The following MYRIP variants were observed in gnomAD, a reference collection of about 807,000 sequenced individuals.
MYRIP encodes the protein rab effector MyRIP.
In MYRIP, 49 loss-of-function variants were observed where a neutral mutation model predicts 98.0. The observed-to-expected ratio is 0.50, with a 90% CI of 0.40 to 0.63. The LOEUF is 0.63. Among genes scored for constraint, MYRIP ranks in the 30% least tolerant of loss-of-function variants. MYRIP has a pLI of 0.00. For missense variants in MYRIP, 1,004 were observed against 1,058.2 expected, an observed-to-expected ratio of 0.95 and a Z score of 0.71; for synonymous variants, 404 against 409.5, an observed-to-expected ratio of 0.99 and a Z score of 0.16.
intron 1 of MYRIP, among the ~76,000 whole-genome samples, chr3:39,850,384 A>G (rs142177513): frequency 6.6e-6 from 1 of 152,196 alleles, no homozygotes. Flanking sequence ...AAGGAACAAA[A>G]TTTATCCTGG....
intron 1 of MYRIP, among the ~76,000 whole-genome samples, chr3:39,831,225 T>C (rs562739639): frequency 6.6e-6 from 1 of 152,262 alleles, no homozygotes; most frequent in East Asian, 1.9e-4. Flanking sequence ...TTACCTCCTA[T>C]AGACTCATCT....
intron 2 of MYRIP, among the ~76,000 whole-genome samples, chr3:40,019,177 C>CTTGTCCCATT (rs1187961745): frequency 1.3e-5 from 2 of 152,146 alleles, no homozygotes; most frequent in African/African-American, 4.8e-5. Context: ...AATTTGTCTT[C>CTTGTCCCATT]TTGTCCCATT....
chr3:40,168,437 T>C (rs1950543724), intron 7 of MYRIP, among the ~76,000 whole-genome samples: 1 of 152,240 alleles, frequency 6.6e-6, no homozygotes, highest in South Asian at 2.1e-4. Flanking sequence ...ACTCAAAGCC[T>C]ATTTTATAAC....
chr3:39,922,810 A>T (rs1944334776), intron 2 of MYRIP, among the ~76,000 whole-genome samples: 1 of 152,218 alleles, frequency 6.6e-6, no homozygotes, highest in African/African-American at 2.4e-5. Context: ...TTTGCTCATC[A>T]TACCAAGAAC....
At chr3:40,061,336 T>G (rs1948010407) in intron 3 of MYRIP, among the ~76,000 whole-genome samples, 1 of 152,216 alleles carries the variant, frequency 6.6e-6, no homozygotes, top group Non-Finnish European at 1.5e-5. Flanking sequence ...CATGTGGTAT[T>G]TGGTTTTCTG....
chr3:40,000,921 G>T (rs1036768933), intron 2 of MYRIP, among the ~76,000 whole-genome samples: 1 of 152,104 alleles, frequency 6.6e-6, no homozygotes, highest in African/African-American at 2.4e-5. Context: ...CCCTGGATTT[G>T]AATACCTGGG....
chr3:40,007,853 T>A (rs926447481), intron 2 of MYRIP, among the ~76,000 whole-genome samples: 2 of 152,226 alleles, frequency 1.3e-5, no homozygotes, highest in Non-Finnish European at 1.5e-5. Flanking sequence ...TTTTCTTAAG[T>A]CCTTTGATTG....
At chr3:40,203,993 ATATATAT>A (rs1559451305) in intron 10 of MYRIP, among the ~76,000 whole-genome samples, 18 of 894 alleles carry the variant, frequency 0.02, 1 homozygote, top group African/African-American at 0.043. Context: ...AATATATATT[ATATATAT>A]TATATATTAT....
chr3:40,085,989 T>C (rs1453198167), intron 3 of MYRIP, among the ~76,000 whole-genome samples: 1 of 152,074 alleles, frequency 6.6e-6, no homozygotes, highest in African/African-American at 2.4e-5. Context: ...GGGACAGATA[T>C]GTGTTATAAT....
At chr3:39,916,890 T>C (rs964729297) in intron 2 of MYRIP, among the ~76,000 whole-genome samples, 1 of 152,106 alleles carries the variant, frequency 6.6e-6, no homozygotes, top group Admixed American at 6.5e-5. Context: ...TACAGAACCA[T>C]ATGACTTTAG....
intron 2 of MYRIP, among the ~76,000 whole-genome samples, chr3:39,978,747 C>T (rs1373648862): frequency 6.6e-6 from 1 of 151,892 alleles, no homozygotes. Flanking sequence ...AGATGGGTAC[C>T]TCTGTGATCT....
chr3:40,228,850 A>C (rs911847297), intron 11 of MYRIP, among the ~76,000 whole-genome samples: 6 of 152,232 alleles, frequency 3.9e-5, no homozygotes, highest in African/African-American at 1.4e-4. Flanking sequence ...CACATGCTCC[A>C]GGGTCAAGCT....
intron 3 of MYRIP, among the ~76,000 whole-genome samples, chr3:40,146,014 A>G (rs1950002037): frequency 6.6e-6 from 1 of 152,208 alleles, no homozygotes; most frequent in South Asian, 2.1e-4. Flanking sequence ...TGGGAAAAAA[A>G]TGTCTTCTTT....
In MYRIP at chr3:40,167,249, T is replaced by A; in HGVS notation, c.729+10T>A. On this transcript the variant is annotated intron_variant, in intron 7 of 16. Coordinates refer to ENST00000302541, the MANE Select transcript of MYRIP (RefSeq NM_015460.4). Reference sequence around the variant, plus strand: ...GACAATCCTGCAGAAGGTAGGTGGGTCCTGGCAGTGGGATGGCTGCAGTTT... The same window carrying A: ...GACAATCCTGCAGAAGGTAGGTGGGACCTGGCAGTGGGATGGCTGCAGTTT... The A allele has an allele frequency of 6.2e-7, 1 of 1,613,868 alleles. No individual in the cohort carries two copies. The highest frequency in any genetic ancestry group is 8.5e-7 in the Non-Finnish European group (1 of 1,179,826).
chr3:40,210,721 C>G (rs1339926384), intron 11 of MYRIP, among the ~76,000 whole-genome samples: 1 of 152,160 alleles, frequency 6.6e-6, no homozygotes, highest in Non-Finnish European at 1.5e-5. Flanking sequence ...GACCCACACT[C>G]CTCCTCCCCT....
chr3:39,886,961 T>G (rs1943322528), intron 1 of MYRIP, among the ~76,000 whole-genome samples: 1 of 151,910 alleles, frequency 6.6e-6, no homozygotes, highest in African/African-American at 2.4e-5. Context: ...TCAGCAAATG[T>G]AAAAGAACAG....
intron 2 of MYRIP, among the ~76,000 whole-genome samples, chr3:39,971,571 A>G (rs1056484964): frequency 4.6e-5 from 7 of 152,082 alleles, no homozygotes; most frequent in Admixed American, 3.9e-4. Flanking sequence ...TTGTCCTTGC[A>G]CAAAAGAAAT....
At chr3:40,090,728 T>G (rs1045200759) in intron 3 of MYRIP, among the ~76,000 whole-genome samples, 1 of 152,254 alleles carries the variant, frequency 6.6e-6, no homozygotes, top group African/African-American at 2.4e-5. Context: ...TAGTAAATGC[T>G]GACATTTTAT....
intron 2 of MYRIP, among the ~76,000 whole-genome samples, chr3:39,925,287 A>G (rs1252600406): frequency 1.3e-5 from 2 of 152,100 alleles, no homozygotes; most frequent in Non-Finnish European, 2.9e-5. Context: ...CTTTGTCTAC[A>G]TCAAAAGAAT....
Sources: allele counts gnomAD v4.1 joint callset (sites outside exome capture counted in the v4.1 genomes callset), GRCh38; gene constraint gnomAD v4.1.1; transcripts MANE v1.5; gene names NCBI Gene and HGNC (gene_info 2026-07-23, HGNC 2026-07-21).